SLC39A6: variants seen among roughly 807,000 people sequenced by gnomAD.
SLC39A6 encodes the protein solute carrier family 39 member 6.
A neutral mutation model predicts 63.5 loss-of-function variants in SLC39A6; 51 were observed. That is an observed-to-expected ratio of 0.80 (90% CI 0.64 to 1.01). The LOEUF is 1.01. SLC39A6 is among the 50% of genes least tolerant of loss of function. The pLI, the probability that SLC39A6 is intolerant of heterozygous loss-of-function variation, is 0.00. For missense variants in SLC39A6, 805 were observed against 927.8 expected, an observed-to-expected ratio of 0.87 and a Z score of 1.72; for synonymous variants, 318 against 324.7, an observed-to-expected ratio of 0.98 and a Z score of 0.22.
intron 4 of SLC39A6, 111 bp from the exon 5 acceptor site, chr18:36,122,381 A>G (rs760969653): frequency 5.1e-5 from 40 of 783,490 alleles, no homozygotes; most frequent in Non-Finnish European, 8.0e-5. Flanking sequence ...AATTATTCAG[A>G]TACTTCAGAG....
intron 8 of SLC39A6, among the ~76,000 whole-genome samples, chr18:36,111,767 G>A (rs574667470): frequency 1.3e-5 from 2 of 152,358 alleles, no homozygotes; most frequent in Admixed American, 6.5e-5. Context: ...TTAAAGGCGT[G>A]AGCCACTGCA....
intron 5 of SLC39A6, among the ~76,000 whole-genome samples, chr18:36,120,416 AAAGAG>A (rs1254813890): frequency 6.6e-6 from 1 of 152,208 alleles, no homozygotes; most frequent in African/African-American, 2.4e-5. Context: ...TAGGTCCACT[AAAGAG>A]AAGGCTCAAA....
chr18:36,117,897 G>T (rs1277748817), intron 5 of SLC39A6, among the ~76,000 whole-genome samples: 2 of 152,104 alleles, frequency 1.3e-5, no homozygotes, highest in African/African-American at 4.8e-5. Flanking sequence ...CGGGCGTGTT[G>T]GCGGGTGCCT....
At chr18:36,127,626 A>T (rs2089450573) in intron 1 of SLC39A6, among the ~76,000 whole-genome samples, 1 of 152,212 alleles carries the variant, frequency 6.6e-6, no homozygotes, top group African/African-American at 2.4e-5. Context: ...TATTTAAAAA[A>T]TTTTAAACTA....
chr18:36,110,852 A>G, intron 9 of SLC39A6: 1 of 813,640 alleles, frequency 1.2e-6, no homozygotes. Context: ...AAAAAAAAAG[A>G]TATTTTATTG....
chr18:36,119,678 G>A (rs1477773362), intron 5 of SLC39A6, among the ~76,000 whole-genome samples: 1 of 152,072 alleles, frequency 6.6e-6, no homozygotes, highest in Non-Finnish European at 1.5e-5. Flanking sequence ...ATAACAGAGG[G>A]CCTATTTCTT....
At chr18:36,109,898 G>C (rs2089287652) in intron 9 of SLC39A6, among the ~76,000 whole-genome samples, 153 bp from the exon 10 acceptor site, 1 of 152,144 alleles carries the variant, frequency 6.6e-6, no homozygotes, top group Non-Finnish European at 1.5e-5. Flanking sequence ...CATACATACT[G>C]ACTCTAGCTA....
Position 36,126,613 on chromosome 18 carries a change from T to C in SLC39A6, c.395A>G (p.His132Arg), listed in dbSNP as rs2089440179. Residue 132 changes from histidine to arginine, a missense_variant, in exon 2 of 10, where the codon CAT (histidine) becomes CGT (arginine). Coordinates refer to ENST00000269187, the MANE Select transcript of SLC39A6 (RefSeq NM_012319.4). The stretch of plus-strand genomic sequence containing the variant: ...ATTTTTACCAGAAGCAGCATGATTA[T>C]GGTGAGAGTGATGATCATGGTCAGA... ...HHSDHDHHSH[H>R]NHAASGKNKR... 2 of 1,614,214 alleles carry C rather than the reference T, an allele frequency of 1.2e-6. No homozygotes were observed. Among genetic ancestry groups the C allele is most frequent in the Non-Finnish European group, 1.7e-6 (2 of 1,180,020 alleles).
rs138990501 is a variant in SLC39A6 at position 36,117,107 on chromosome 18, T to C, written c.1360-328A>G. Among the ~76,000 whole-genome samples, 142 of 152,274 alleles carry C rather than the reference T, an allele frequency of 9.3e-4. No individual in the cohort carries two copies. The East Asian group carries it at 0.026, about 28-fold the overall frequency. On this transcript the variant is annotated intron_variant, in intron 5 of 9. Coordinates refer to ENST00000269187, the MANE Select transcript of SLC39A6 (RefSeq NM_012319.4). ...CAAAAATTAGCCGGGTGTGGTGGCATGCGCCTGTATTCCCAGCTACTTGGG... is the reference window on the plus strand; with the variant it reads ...CAAAAATTAGCCGGGTGTGGTGGCACGCGCCTGTATTCCCAGCTACTTGGG...
intron 2 of SLC39A6, among the ~76,000 whole-genome samples, chr18:36,125,771 T>A (rs1218484188): frequency 6.6e-6 from 1 of 152,210 alleles, no homozygotes; most frequent in Non-Finnish European, 1.5e-5. Context: ...ATTCCTCAAG[T>A]CATGGTGGAC....
Position 36,122,273 on chromosome 18 carries a change from G to A in SLC39A6, c.1141-3C>T, listed in dbSNP as rs1348922948. On this transcript the variant is annotated splice_region_variant and splice_polypyrimidine_tract_variant and intron_variant, in intron 4 of 9. Coordinates refer to ENST00000269187, the MANE Select transcript of SLC39A6 (RefSeq NM_012319.4). ...CTATGGTGGTGACTTGCATGAGACT[G>A]AAGGCAAAATAATTTGTTATTTATA... 6.3e-7 allele frequency: 1 copy of A among 1,595,058 alleles called. No individual in the cohort carries two copies. Among genetic ancestry groups the A allele is most frequent in the Admixed American group, 1.7e-5 (1 of 57,188 alleles).
At chr18:36,112,706 C>T in intron 7 of SLC39A6, 125 bp from the exon 8 acceptor site, 1 of 682,230 alleles carries the variant, frequency 1.5e-6, no homozygotes, top group Non-Finnish European at 2.6e-6. Context: ...GTTTCCCAAA[C>T]CAACTCTGTA....
Position 36,112,647 on chromosome 18 carries a change from G to A in SLC39A6, c.1844-66C>T, listed in dbSNP as rs1194380639. On this transcript the variant is annotated intron_variant, in intron 7 of 9. Coordinates refer to ENST00000269187, the MANE Select transcript of SLC39A6 (RefSeq NM_012319.4). ...TTGTGTTTTTTAATCTTATCAGTAT[G>A]CAAAATGAGGTAACAAGAAAATGGT... 6.9e-6 allele frequency: 8 copies of A among 1,155,470 alleles called. No homozygotes were observed. In the East Asian group the frequency reaches 1.9e-4, roughly 27 times the overall value. The allele number at this position is 1,155,470 out of a possible 1,614,324, so 71.6% of individuals were successfully genotyped here. A position where few individuals can be genotyped will look rare whatever the true frequency, so the allele number is the denominator to read the frequency against.
intron 9 of SLC39A6, 93 bp from the exon 10 acceptor site, chr18:36,109,838 C>T (rs2089287177): frequency 4.2e-6 from 4 of 957,366 alleles, no homozygotes; most frequent in Middle Eastern, 2.2e-4. Context: ...AGTATACTAG[C>T]TTTATTTGTA....
intron 5 of SLC39A6, among the ~76,000 whole-genome samples, chr18:36,117,653 T>C (rs1039087935): frequency 2.6e-5 from 4 of 152,242 alleles, no homozygotes; most frequent in African/African-American, 9.6e-5. Flanking sequence ...CCTTTGAATA[T>C]GATGATCACC....
chr18:36,126,397 G>C lies in SLC39A6; in HGVS notation c.611C>G (p.Thr204Arg), dbSNP rs765480724. 6.2e-7 allele frequency: 1 copy of C among 1,614,222 alleles called. No individual in the cohort carries two copies. The highest frequency in any genetic ancestry group is 1.7e-5 in the Admixed American group (1 of 60,028). The change falls in exon 2 of 10, where the codon ACA becomes AGA. Residue 204 changes from threonine to arginine, a missense_variant. This residue lies in a region of SLC39A6 where 639 missense variants were observed against 644.0 expected (regional missense o/e 0.99). Coordinates refer to ENST00000269187, the MANE Select transcript of SLC39A6 (RefSeq NM_012319.4). ...TVSEGTHFLE[T>R]IETPRPGKLF... is the part of the protein sequence containing the mutation. ...TTTTCCAGGTCTTGGAGTCTCTATT[G>C]TCTCTAGAAAGTGAGTTCCTTCAGA...
intron 6 of SLC39A6, among the ~76,000 whole-genome samples, chr18:36,115,604 G>A (rs1234591870): frequency 6.6e-6 from 1 of 152,160 alleles, no homozygotes; most frequent in East Asian, 1.9e-4. Flanking sequence ...CACAACAAGA[G>A]GAGGAATGCA....
At position 36,122,235 on chromosome 18, in the gene SLC39A6, T is replaced by C; in HGVS notation, c.1176A>G (p.Glu392=). 5.0e-6 allele frequency: 8 copies of C among 1,614,070 alleles called. No homozygotes were observed. The highest frequency in any genetic ancestry group is 6.8e-6 in the Non-Finnish European group (8 of 1,179,944). The part of the protein sequence containing the change: ...HASHHHSHSH[E]EPAMEMKRGP... ...CTCTTTTCATTTCCATTGCTGGTTCTTCATGGCTATGACTATGGTGGTGAC... is the reference window on the plus strand; with the variant it reads ...CTCTTTTCATTTCCATTGCTGGTTCCTCATGGCTATGACTATGGTGGTGAC... The change falls in exon 5 of 10, where the codon GAA becomes GAG. Residue 392 remains glutamate, a synonymous_variant. Coordinates refer to ENST00000269187, the MANE Select transcript of SLC39A6 (RefSeq NM_012319.4).
intron 5 of SLC39A6, among the ~76,000 whole-genome samples, chr18:36,119,400 A>G (rs1222492512): frequency 1.3e-5 from 2 of 152,160 alleles, no homozygotes; most frequent in Non-Finnish European, 2.9e-5. Context: ...ACCAGACACT[A>G]TTCTACACAT....
Sources: allele counts gnomAD v4.1 joint callset (sites outside exome capture counted in the v4.1 genomes callset), GRCh38; gene constraint gnomAD v4.1.1; regional missense constraint gnomAD v4.1.1; transcripts MANE v1.5; gene names NCBI Gene and HGNC (gene_info 2026-07-23, HGNC 2026-07-21).